The following CHKA variants were observed in gnomAD, a reference collection of about 807,000 sequenced individuals.
The protein encoded by CHKA is CHETK-alpha.
In CHKA, 34 loss-of-function variants were observed where a neutral mutation model predicts 60.1. The observed-to-expected ratio is 0.57, with a 90% CI of 0.43 to 0.75. The LOEUF is 0.75. Ranked by LOEUF, CHKA falls within the 30% of genes least tolerant of loss-of-function variation. The pLI is 0.00. For synonymous variants in CHKA, 217 were observed against 223.1 expected, an observed-to-expected ratio of 0.97 and a Z score of 0.24; for missense variants, 563 against 561.3, an observed-to-expected ratio of 1.00 and a Z score of -0.03.
Position 68,108,041 on chromosome 11 carries a change from C to T in CHKA, c.351-10911G>A, listed in dbSNP as rs149035479. On this transcript the variant is annotated intron_variant, in intron 1 of 11. Transcript: ENST00000265689. ...AGAGAATGGAGAGATCCTGGAAGGA[C>T]GCTAGACAGGCTGACGGGGCTCCAC... 3.3e-5 allele frequency among the ~76,000 whole-genome samples: 5 copies of T among 152,244 alleles called. No individual in the cohort carries two copies. In the East Asian group the frequency reaches 7.7e-4, roughly 24 times the overall value.
intron 1 of CHKA, among the ~76,000 whole-genome samples, chr11:68,098,763 G>A (rs1221149914): frequency 1.3e-5 from 2 of 151,756 alleles, no homozygotes; most frequent in East Asian, 1.9e-4. Flanking sequence ...GCACAATCTC[G>A]GCTCACTGCA....
intron 2 of CHKA, among the ~76,000 whole-genome samples, chr11:68,083,874 C>T (rs546947314): frequency 1.3e-5 from 2 of 151,974 alleles, no homozygotes; most frequent in Middle Eastern, 3.4e-3. Flanking sequence ...AAGTGTAAGA[C>T]GAGGAAATCT....
At position 68,078,954 on chromosome 11, in the gene CHKA, T is replaced by A. The variant is rs374029611; in HGVS notation, c.516+2450A>T. Among the ~76,000 whole-genome samples the A allele has an allele frequency of 2.6e-3, 395 of 152,150 alleles. 1 individual carries two copies. The highest frequency in any genetic ancestry group is 0.014 in the Middle Eastern group (4 of 294). On this transcript the variant is annotated intron_variant, in intron 3 of 11. Transcript: ENST00000265689. The stretch of plus-strand genomic sequence containing the variant: ...TTTTGGAGATATTATTATTATTATT[T>A]TTTTTTTGGAGATGGATAGCCCAGG...
chr11:68,089,767 G>C (rs966204260), intron 2 of CHKA: 6 of 152,122 alleles, frequency 3.9e-5, no homozygotes, highest in African/African-American at 1.4e-4. Context: ...AGAACTAAAA[G>C]AAAGAAATTA....
At chr11:68,080,926 G>A (rs1856967270) in intron 3 of CHKA, among the ~76,000 whole-genome samples, 1 of 152,198 alleles carries the variant, frequency 6.6e-6, no homozygotes, top group Non-Finnish European at 1.5e-5. Context: ...TCTAAGTCTA[G>A]GAAGAAGCTT....
In CHKA at chr11:68,121,194, A is replaced by AGGAGGCGCGGGCGGCCGC. The variant is rs762516835; in HGVS notation, c.-35_-18dup. 1.1e-4 allele frequency: 133 copies of AGGAGGCGCGGGCGGCCGC among 1,162,930 alleles called. No homozygotes were observed. The South Asian group carries it at 3.1e-3, about 27-fold the overall frequency. The allele number at this position is 1,162,930 out of a possible 1,614,324, so 72.0% of individuals were successfully genotyped here. A position where few individuals can be genotyped will look rare whatever the true frequency, so the allele number is the denominator to read the frequency against. ...GGTTTTCATGCCCGACAGGCGGCCG[A>AGGAGGCGCGGGCGGCCGC]GGAGGCGCGGGCGGCCGCAGCGCGA... On this transcript the variant is annotated 5_prime_UTR_variant, in exon 1 of 12. Transcript: ENST00000265689.
intron 2 of CHKA, among the ~76,000 whole-genome samples, chr11:68,092,914 A>G (rs1043852645): frequency 2.0e-5 from 3 of 152,172 alleles, no homozygotes; most frequent in African/African-American, 7.2e-5. Flanking sequence ...TCTAACAAAA[A>G]TCAGTTTGTT....
At chr11:68,106,904 A>C (rs2153028129) in intron 1 of CHKA, among the ~76,000 whole-genome samples, 1 of 152,288 alleles carries the variant, frequency 6.6e-6, no homozygotes. Flanking sequence ...TTTAGCAGCA[A>C]CACTGCCCTC....
chr11:68,110,801 C>A (rs543347029), intron 1 of CHKA, among the ~76,000 whole-genome samples: 1 of 151,890 alleles, frequency 6.6e-6, no homozygotes, highest in Non-Finnish European at 1.5e-5. Context: ...AGTTCCGAGA[C>A]CAGCCTGGCA....
chr11:68,111,896 A>G (rs1292471706), intron 1 of CHKA, among the ~76,000 whole-genome samples: 2 of 151,682 alleles, frequency 1.3e-5, no homozygotes, highest in Admixed American at 6.6e-5. Flanking sequence ...TCTACTAAAA[A>G]TACAAAATTA....
chr11:68,093,953 A>C (rs1857427036), intron 2 of CHKA, among the ~76,000 whole-genome samples: 1 of 152,234 alleles, frequency 6.6e-6, no homozygotes, highest in African/African-American at 2.4e-5. Context: ...ATCAGACAGC[A>C]CAGATGCAGA....
At chr11:68,068,838 G>T in intron 7 of CHKA, 41 bp downstream of exon 7, 2 of 1,415,908 alleles carry the variant, frequency 1.4e-6, no homozygotes, top group African/African-American at 1.4e-5. Flanking sequence ...TTCTAAGTAT[G>T]CACACAAACC....
chr11:68,070,650 A>C, intron 5 of CHKA, 74 bp downstream of exon 5: 1 of 1,520,732 alleles, frequency 6.6e-7, no homozygotes, highest in Non-Finnish European at 9.0e-7. Flanking sequence ...TGTGGCAAAC[A>C]AATGCTCACT....
chr11:68,068,212 CTGTG>C lies in CHKA; in HGVS notation c.928+663_928+666del, dbSNP rs552021610. 3.5e-3 allele frequency among the ~76,000 whole-genome samples: 527 copies of C among 152,172 alleles called. 3 individuals carry two copies. The highest frequency in any genetic ancestry group is 0.012 in the African/African-American group (497 of 41,506). ...ACGTGTTGCGATAAGCAACACTACG[CTGTG>C]TGGTGCAGAAGGGGGAAGGGCCCGG... On this transcript the variant is annotated intron_variant, in intron 7 of 11. Coordinates refer to ENST00000265689, the MANE Select transcript of CHKA (RefSeq NM_001277.3).
intron 11 of CHKA, among the ~76,000 whole-genome samples, chr11:68,055,167 CG>C (rs370258241): frequency 6.2e-4 from 94 of 152,268 alleles, no homozygotes; most frequent in South Asian, 2.1e-3. Flanking sequence ...CCAAGGCAGA[CG>C]GATCACTTGA....
chr11:68,111,825 G>A (rs934175977), intron 1 of CHKA, among the ~76,000 whole-genome samples: 4 of 151,792 alleles, frequency 2.6e-5, no homozygotes, highest in Non-Finnish European at 4.4e-5. Flanking sequence ...AGGCTGAGGC[G>A]GGTGGATCAC....
chr11:68,079,890 T>C (rs572371493), intron 3 of CHKA, among the ~76,000 whole-genome samples: 129 of 151,978 alleles, frequency 8.5e-4, no homozygotes, highest in Non-Finnish European at 1.4e-3. Context: ...CAGGACAACA[T>C]GAGAAGAGGG....
intron 2 of CHKA, among the ~76,000 whole-genome samples, chr11:68,085,387 CTT>C (rs888590881): frequency 6.8e-6 from 1 of 146,542 alleles, no homozygotes; most frequent in African/African-American, 2.5e-5. Flanking sequence ...CATACCTAGC[CTT>C]TTTTTTTTTC....
intron 4 of CHKA, among the ~76,000 whole-genome samples, chr11:68,072,477 G>T (rs1177037132): frequency 2.7e-5 from 4 of 150,784 alleles, no homozygotes; most frequent in Admixed American, 1.3e-4. Flanking sequence ...AGCCTGGGAG[G>T]TTGAAGCTGC....
Sources: gnomAD v4.1 joint callset for allele counts (sites outside exome capture counted in the v4.1 genomes callset) on GRCh38, gnomAD v4.1.1 for gene constraint, MANE v1.5 for transcripts, NCBI Gene and HGNC (gene_info 2026-07-23, HGNC 2026-07-21) for gene names.